The following CHRM3 variants were observed in gnomAD, a reference collection of about 807,000 sequenced individuals.
CHRM3 encodes muscarinic acetylcholine receptor M3.
A neutral mutation model predicts 41.8 loss-of-function variants in CHRM3; 11 were observed. That is an observed-to-expected ratio of 0.26 (90% CI 0.17 to 0.44). The LOEUF is 0.44. Ranked by LOEUF, CHRM3 falls within the 20% of genes least tolerant of loss-of-function variation. The pLI is 1.00. For synonymous variants in CHRM3, 297 were observed against 301.4 expected (o/e 0.99, Z 0.15); for missense variants, 571 against 745.4 (o/e 0.77, Z 2.72).
At chr1:239,415,105 T>C (rs964321243) in intron 1 of CHRM3, among the ~76,000 whole-genome samples, 1 of 152,218 alleles carries the variant, frequency 6.6e-6, no homozygotes, top group African/African-American at 2.4e-5. Flanking sequence ...ACAAATCACA[T>C]AGACAAAATA....
chr1:239,614,416 C>A lies in CHRM3; in HGVS notation c.-312-17808C>A, dbSNP rs7519696. 8.9e-3 allele frequency among the ~76,000 whole-genome samples: 1,352 copies of A among 152,114 alleles called. 9 individuals carry two copies. The highest frequency in any genetic ancestry group is 0.015 in the Non-Finnish European group (1,001 of 68,006). ...TTACAATCAAATCAGTCCCTTAGAA[C>A]CAAACAAATAAAAACATCAGTTACA... On this transcript the variant is annotated intron_variant, in intron 3 of 6. Transcript: ENST00000676153.
intron 3 of CHRM3, among the ~76,000 whole-genome samples, chr1:239,559,503 C>T (rs2148482447): frequency 6.6e-6 from 1 of 152,288 alleles, no homozygotes; most frequent in East Asian, 1.9e-4. Context: ...ACCACTACAT[C>T]AAACTTTAAA....
intron 1 of CHRM3, among the ~76,000 whole-genome samples, chr1:239,466,043 G>C (rs1238575271): frequency 6.6e-6 from 1 of 152,054 alleles, no homozygotes; most frequent in Non-Finnish European, 1.5e-5. Context: ...ACCCAGGCTG[G>C]AGAGCAATGG....
intron 5 of CHRM3, among the ~76,000 whole-genome samples, chr1:239,751,960 G>T (rs1046923603): frequency 3.3e-4 from 50 of 152,216 alleles, no homozygotes; most frequent in African/African-American, 1.2e-3. Context: ...ACTACATACG[G>T]GATAGGGAAT....
At chr1:239,600,790 CCTTTT>C (rs952008019) in intron 3 of CHRM3, among the ~76,000 whole-genome samples, 4 of 149,354 alleles carry the variant, frequency 2.7e-5, no homozygotes, top group African/African-American at 9.9e-5. Context: ...TTCCTTCCTT[CCTTTT>C]CTTTCCTTCC....
chr1:239,441,568 T>G (rs935249584), intron 1 of CHRM3, among the ~76,000 whole-genome samples: 1 of 152,214 alleles, frequency 6.6e-6, no homozygotes, highest in Non-Finnish European at 1.5e-5. Context: ...AGACTGACTT[T>G]GTTCATATGT....
chr1:239,660,399 A>G (rs1023488248), intron 4 of CHRM3, among the ~76,000 whole-genome samples: 2 of 152,110 alleles, frequency 1.3e-5, no homozygotes, highest in South Asian at 2.1e-4. Context: ...CTTCTTCCCT[A>G]CACTTACCAA....
intron 3 of CHRM3, among the ~76,000 whole-genome samples, chr1:239,605,486 A>C (rs975709915): frequency 1.3e-5 from 2 of 152,148 alleles, no homozygotes; most frequent in Non-Finnish European, 2.9e-5. Context: ...ACCTAATAGC[A>C]CATTTCTTAG....
intron 1 of CHRM3, among the ~76,000 whole-genome samples, chr1:239,409,631 A>G (rs752009493): frequency 1.3e-5 from 2 of 152,190 alleles, no homozygotes; most frequent in Non-Finnish European, 2.9e-5. Context: ...GAAGTTTGTG[A>G]TGAAGTAAAA....
At chr1:239,794,853 T>C (rs1277065538) in intron 5 of CHRM3, among the ~76,000 whole-genome samples, 1 of 152,186 alleles carries the variant, frequency 6.6e-6, no homozygotes, top group African/African-American at 2.4e-5. Flanking sequence ...ATCCTATCAA[T>C]AAATTTAATA....
chr1:239,550,198 A>G (rs1659684771), intron 3 of CHRM3, among the ~76,000 whole-genome samples: 1 of 152,132 alleles, frequency 6.6e-6, no homozygotes, highest in East Asian at 1.9e-4. Flanking sequence ...ACTGTCCGTT[A>G]ATCAAACTCA....
intron 1 of CHRM3, among the ~76,000 whole-genome samples, chr1:239,488,693 T>G (rs1572472217): frequency 9.1e-6 from 1 of 109,760 alleles, no homozygotes; most frequent in South Asian, 3.2e-4. Flanking sequence ...CCAGCCTGGA[T>G]GACAGAGCGA....
chr1:239,738,020 A>G (rs1439097906), intron 5 of CHRM3, among the ~76,000 whole-genome samples: 1 of 152,200 alleles, frequency 6.6e-6, no homozygotes, highest in East Asian at 1.9e-4. Context: ...ACAACAACAA[A>G]AAACTGAAAT....
intron 6 of CHRM3, among the ~76,000 whole-genome samples, chr1:239,851,567 T>C (rs2149224156): frequency 6.6e-6 from 1 of 152,276 alleles, no homozygotes; most frequent in African/African-American, 2.4e-5. Flanking sequence ...TTGACCACAT[T>C]TGATTAAAAA....
chr1:239,624,482 G>A (rs1186052422), intron 3 of CHRM3, among the ~76,000 whole-genome samples: 2 of 130,934 alleles, frequency 1.5e-5, no homozygotes, highest in African/African-American at 6.0e-5. Context: ...TTCTTTTGCT[G>A]TGCAGAAGCT....
intron 3 of CHRM3, among the ~76,000 whole-genome samples, chr1:239,604,714 C>A (rs1666029384): frequency 6.6e-6 from 1 of 152,170 alleles, no homozygotes; most frequent in African/African-American, 2.4e-5. Context: ...GCATTCCAAC[C>A]TGAGAACTTT....
rs968916127 is a variant in CHRM3, at chr1:239,914,397, A to G, written c.*5173A>G. 6.0e-6 allele frequency: 1 copy of G among 167,094 alleles called. No homozygotes were observed. Among genetic ancestry groups the G allele is most frequent in the Admixed American group, 6.5e-5 (1 of 15,286 alleles). 10.4% of individuals were successfully genotyped at this position (167,094 alleles called of 1,614,324 possible). ...AACATTCTGTGCACATCAATGTCCC[A>G]TGCTGCTACTGTAGTCAGGAGTTAT... On this transcript the variant is annotated 3_prime_UTR_variant, in exon 7 of 7. Coordinates refer to ENST00000676153, the MANE Select transcript of CHRM3 (RefSeq NM_001375978.1).
At chr1:239,572,498 T>G (rs535017518) in intron 3 of CHRM3, among the ~76,000 whole-genome samples, 1 of 152,334 alleles carries the variant, frequency 6.6e-6, no homozygotes, top group South Asian at 2.1e-4. Context: ...ATTTGCATCA[T>G]GATGATATAC....
intron 2 of CHRM3, among the ~76,000 whole-genome samples, chr1:239,497,804 C>A (rs1427299163): frequency 6.6e-6 from 1 of 152,152 alleles, no homozygotes; most frequent in Non-Finnish European, 1.5e-5. Context: ...TAAGACAGTA[C>A]AGGCAGCAAC....
Sources: allele counts gnomAD v4.1 joint callset (sites outside exome capture counted in the v4.1 genomes callset), GRCh38; gene constraint gnomAD v4.1.1; transcripts MANE v1.5; gene names NCBI Gene and HGNC (gene_info 2026-07-23, HGNC 2026-07-21).